The following MON2 variants were observed in gnomAD, a reference collection of about 807,000 sequenced individuals.
MON2 encodes the protein MON2 regulator of endosome-to-Golgi trafficking.
A neutral mutation model predicts 208.6 loss-of-function variants in MON2; 84 were observed. That is an observed-to-expected ratio of 0.40 (90% CI 0.34 to 0.48). The LOEUF (loss-of-function observed/expected upper bound fraction) is 0.48, where lower values mean the gene tolerates loss of function less well. MON2 is among the 20% of genes least tolerant of loss of function. The pLI is 0.59. For synonymous variants in MON2, 660 were observed against 694.0 expected (o/e 0.95, Z 0.77); for missense variants, 1,611 against 2,015.4 (o/e 0.80, Z 3.84).
chr12:62,513,178 C>T (rs764238822), intron 8 of MON2, among the ~76,000 whole-genome samples: 16 of 152,308 alleles, frequency 1.1e-4, no homozygotes, highest in Non-Finnish European at 2.2e-4. Flanking sequence ...GTTACTTATG[C>T]AAATCTCTAC....
At chr12:62,553,925 T>C (rs975630401) in intron 24 of MON2, among the ~76,000 whole-genome samples, 9 of 152,178 alleles carry the variant, frequency 5.9e-5, no homozygotes, top group Non-Finnish European at 1.2e-4. Flanking sequence ...GACTGACACC[T>C]GTAATCCCAG....
At chr12:62,569,563 T>C (rs1565696744) in intron 29 of MON2, among the ~76,000 whole-genome samples, 1 of 152,344 alleles carries the variant, frequency 6.6e-6, no homozygotes, top group South Asian at 2.1e-4. Context: ...AGAGAGTGTG[T>C]ATGTTCCTGC....
intron 25 of MON2, among the ~76,000 whole-genome samples, chr12:62,557,178 C>T (rs917603185): frequency 6.6e-6 from 1 of 152,050 alleles, no homozygotes; most frequent in African/African-American, 2.4e-5. Context: ...ATATGCACTT[C>T]AAAAAGATCA....
At chr12:62,565,455 A>T in intron 27 of MON2, 75 bp downstream of exon 27, 1 of 1,266,768 alleles carries the variant, frequency 7.9e-7, no homozygotes, top group Non-Finnish European at 1.1e-6. Flanking sequence ...CTTAAGATGG[A>T]CTTTGATTAT....
chr12:62,498,616 CTT>C (rs1307253720), intron 4 of MON2, among the ~76,000 whole-genome samples: 12 of 152,110 alleles, frequency 7.9e-5, no homozygotes, highest in African/African-American at 2.7e-4. Flanking sequence ...ATACAACAAA[CTT>C]TGAGTTCATG....
At chr12:62,543,492 C>T (rs1253390407) in intron 20 of MON2, among the ~76,000 whole-genome samples, 2 of 152,316 alleles carry the variant, frequency 1.3e-5, no homozygotes, top group Middle Eastern at 3.4e-3. Flanking sequence ...GTCTCTTGAT[C>T]CACCTCACCT....
intron 1 of MON2, among the ~76,000 whole-genome samples, chr12:62,483,957 G>C (rs936353801): frequency 6.6e-6 from 1 of 152,172 alleles, no homozygotes; most frequent in Admixed American, 6.5e-5. Context: ...TGCATTCAGA[G>C]TTTGCATGTG....
chr12:62,494,291 A>G (rs2070343686), intron 3 of MON2, among the ~76,000 whole-genome samples: 1 of 152,192 alleles, frequency 6.6e-6, no homozygotes, highest in African/African-American at 2.4e-5. Flanking sequence ...TTTGAGACTC[A>G]AGCAAGTTTT....
In MON2 at chr12:62,545,029, T is replaced by A. The variant is rs779688983; in HGVS notation, c.2577+21T>A. On this transcript the variant is annotated intron_variant, in intron 21 of 34. Transcript: ENST00000393630. ...ACCAGGTAATAAAAACCTTACTTTT[T>A]AAAAAGAATACTCAATATAAAATTA... The A allele has an allele frequency of 1.8e-5, 26 of 1,441,828 alleles. 2 individuals carry two copies. The South Asian group carries it at 3.2e-4, about 18-fold the overall frequency. 89.3% of individuals were successfully genotyped at this position (1,441,828 alleles called of 1,614,324 possible).
chr12:62,476,232 T>C (rs184050247), intron 1 of MON2, among the ~76,000 whole-genome samples: 61 of 152,282 alleles, frequency 4.0e-4, no homozygotes, highest in Admixed American at 9.8e-4. Flanking sequence ...GAAAATCTTA[T>C]TGATTTCAAT....
Position 62,501,612 on chromosome 12 carries a change from C to T in MON2, c.703C>T (p.Leu235=). Residue 235 remains leucine (L), a synonymous_variant, in exon 7 of 35, where the codon CTA becomes TTA. Transcript: ENST00000393630. The part of the protein sequence containing the change: ...QLVNADAPYW[L]VGMTEMTRTF... ...GGTTAATGCTGATGCTCCTTATTGG[C>T]TAGTGGGCATGACAGAAATGACTCG... is the stretch of plus-strand genomic sequence containing the variant. 1 of 1,614,012 alleles carries T rather than the reference C, an allele frequency of 6.2e-7. No individual in the cohort carries two copies. Among genetic ancestry groups the T allele is most frequent in the Non-Finnish European group, 8.5e-7 (1 of 1,179,890 alleles).
At chr12:62,582,554 G>GGACA (rs1332932567) in intron 32 of MON2, among the ~76,000 whole-genome samples, 1 of 151,956 alleles carries the variant, frequency 6.6e-6, no homozygotes, top group Non-Finnish European at 1.5e-5. Context: ...TACCATTGAA[G>GGACA]GACAGCCTTT....
chr12:62,558,918 G>A (rs2074096981), intron 25 of MON2, among the ~76,000 whole-genome samples: 1 of 151,932 alleles, frequency 6.6e-6, no homozygotes, highest in South Asian at 2.1e-4. Flanking sequence ...GGCTGGTCCC[G>A]AACTCCTGAC....
rs1319396748 is a variant in MON2 at position 62,565,150 on chromosome 12, A to G, written c.4033-87A>G. 3 of 1,309,874 alleles carry G rather than the reference A, an allele frequency of 2.3e-6. No homozygotes were observed. The Admixed American group carries it at 6.4e-5, about 28-fold the overall frequency. The allele number at this position is 1,309,874 out of a possible 1,614,324, so 81.1% of individuals were successfully genotyped here. ...TACATAAAATAAGACAGTTTTTAAG[A>G]TTCTGTGGTTAAACAAATATATACA... On this transcript the variant is annotated intron_variant, in intron 26 of 34. Transcript: ENST00000393630.
At chr12:62,503,122 C>G (rs1207686364) in intron 7 of MON2, among the ~76,000 whole-genome samples, 1 of 152,134 alleles carries the variant, frequency 6.6e-6, no homozygotes, top group Non-Finnish European at 1.5e-5. Flanking sequence ...TGCTATGTGC[C>G]AGATTCCTTA....
intron 7 of MON2, among the ~76,000 whole-genome samples, chr12:62,503,040 A>G (rs1592892097): frequency 6.6e-6 from 1 of 152,298 alleles, no homozygotes; most frequent in Non-Finnish European, 1.5e-5. Flanking sequence ...AGCAGTATTT[A>G]GGTATAATTT....
chr12:62,502,420 AAGG>A (rs2070889960), intron 7 of MON2, among the ~76,000 whole-genome samples: 2 of 151,700 alleles, frequency 1.3e-5, no homozygotes, highest in Non-Finnish European at 1.5e-5. Flanking sequence ...AAAAAAAAAA[AAGG>A]AAGGAAAGAA....
At chr12:62,537,378 T>C (rs2073026588) in intron 15 of MON2, 115 bp downstream of exon 15, 1 of 777,142 alleles carries the variant, frequency 1.3e-6, no homozygotes, top group African/African-American at 1.8e-5. Flanking sequence ...TTACTAGAAC[T>C]ACTTTCTTAA....
At chr12:62,486,875 A>T (rs2069828074) in intron 2 of MON2, among the ~76,000 whole-genome samples, 1 of 152,162 alleles carries the variant, frequency 6.6e-6, no homozygotes, top group East Asian at 1.9e-4. Context: ...TTCAGAATAT[A>T]TAAAGATTTG....
Sources: allele counts gnomAD v4.1 joint callset (sites outside exome capture counted in the v4.1 genomes callset), GRCh38; gene constraint gnomAD v4.1.1; transcripts MANE v1.5; gene names NCBI Gene and HGNC (gene_info 2026-07-23, HGNC 2026-07-21).